Variants in TPRA1 observed in about 807,000 individuals in gnomAD.
TPRA1 encodes transmembrane protein adipocyte-associated 1.
In TPRA1, 28 loss-of-function variants were observed where a neutral mutation model predicts 40.1. That is an observed-to-expected ratio of 0.70 (90% confidence interval 0.52 to 0.96). The LOEUF (loss-of-function observed/expected upper bound fraction) is 0.96, where lower values mean the gene tolerates loss of function less well. Among genes scored for constraint, TPRA1 ranks in the 40% least tolerant of loss-of-function variants. The pLI is 0.00. For missense variants in TPRA1, 441 were observed against 482.6 expected, an observed-to-expected ratio of 0.91 and a Z score of 0.81; for synonymous variants, 219 against 209.7, an observed-to-expected ratio of 1.04 and a Z score of -0.38.
chr3:127,572,946 G>T lies in TPRA1; in HGVS notation c.*575C>A, dbSNP rs576736033. The T allele has an allele frequency of 6.6e-6, 1 of 152,206 alleles. No homozygotes were observed. Among genetic ancestry groups the T allele is most frequent in the Admixed American group, 6.5e-5 (1 of 15,280 alleles). The allele number at this position is 152,206 out of a possible 1,614,324, so 9.4% of individuals were successfully genotyped here. A position where few individuals can be genotyped will look rare whatever the true frequency, so the allele number is the denominator to read the frequency against. ...CTCCCCAGCAGCCAGCCCAGGGCTT[G>T]GGCACTGGGGACTGCTCCTTGGTTG... On this transcript the variant is annotated 3_prime_UTR_variant, in exon 11 of 11. Transcript: ENST00000355552.
In TPRA1 at chr3:127,583,769, C is replaced by T. The variant is rs191157977; in HGVS notation, c.-17-3606G>A. ...CATTTCAACCTCTGCCTCCCAGGTTCAAGCGATTCCCCTGCCTCAGCCTCC... is the reference window on the plus strand; with the variant it reads ...CATTTCAACCTCTGCCTCCCAGGTTTAAGCGATTCCCCTGCCTCAGCCTCC... On this transcript the variant is annotated intron_variant, in intron 1 of 10. Coordinates refer to ENST00000355552, the MANE Select transcript of TPRA1 (RefSeq NM_001136053.4). Among the ~76,000 whole-genome samples the T allele has an allele frequency of 1.7e-3, 261 of 151,986 alleles. 1 individual carries two copies. Among genetic ancestry groups the T allele is most frequent in the African/African-American group, 6.0e-3 (249 of 41,464 alleles).
At chr3:127,579,000 G>A (rs2073739239) in intron 3 of TPRA1, among the ~76,000 whole-genome samples, 1 of 149,218 alleles carries the variant, frequency 6.7e-6, no homozygotes, top group Non-Finnish European at 1.5e-5. Flanking sequence ...GCCCACACCC[G>A]AAGCCCACAC....
upstream of TPRA1, among the ~76,000 whole-genome samples, chr3:127,593,325 G>A (rs1365410930): frequency 6.6e-6 from 1 of 152,176 alleles, no homozygotes; most frequent in Admixed American, 6.5e-5. Flanking sequence ...ACAGAACTGG[G>A]CTCCCTGATA....
chr3:127,590,493 G>GCAC lies in TPRA1; in HGVS notation c.-104_-102dup, dbSNP rs2074139804. ...CCGCCACTGGGTGTGCGCGGATCCA[G>GCAC]CACAGGCCGCGGGACTCCGGCCTCC... On this transcript the variant is annotated 5_prime_UTR_variant, in exon 1 of 11. Transcript: ENST00000355552. 6.6e-6 allele frequency: 1 copy of GCAC among 152,394 alleles called. No homozygotes were observed. Among genetic ancestry groups the GCAC allele is most frequent in the East Asian group, 1.9e-4 (1 of 5,172 alleles). 9.4% of individuals were successfully genotyped at this position (152,394 alleles called of 1,614,324 possible).
At chr3:127,596,897 C>T (rs2074248588) in intron 1 of TPRA1, among the ~76,000 whole-genome samples, 1 of 152,156 alleles carries the variant, frequency 6.6e-6, no homozygotes, top group Non-Finnish European at 1.5e-5. Flanking sequence ...CAGGCGGATC[C>T]ACTTGTCAGG....
At chr3:127,581,508 G>A (rs2107643388) in intron 1 of TPRA1, among the ~76,000 whole-genome samples, 1 of 152,248 alleles carries the variant, frequency 6.6e-6, no homozygotes, top group South Asian at 2.1e-4. Context: ...CCAGCGTCTG[G>A]GTGTCAGATC....
intron 1 of TPRA1, among the ~76,000 whole-genome samples, chr3:127,581,713 G>A (rs1406270013): frequency 1.3e-5 from 2 of 150,880 alleles, no homozygotes; most frequent in African/African-American, 4.9e-5. Flanking sequence ...AGGAGTTCGG[G>A]ACCAGCCTAG....
At chr3:127,587,525 G>A (rs371301471) in intron 1 of TPRA1, among the ~76,000 whole-genome samples, 11 of 152,224 alleles carry the variant, frequency 7.2e-5, no homozygotes, top group African/African-American at 2.4e-4. Flanking sequence ...GTTCTGCCAC[G>A]TGCTTGCTGT....
intron 1 of TPRA1, chr3:127,587,116 C>T (rs1193626659): frequency 6.6e-6 from 1 of 152,120 alleles, no homozygotes; most frequent in Non-Finnish European, 1.5e-5. Flanking sequence ...GAAAATCTGC[C>T]CTGAGGCTTT....
At chr3:127,589,916 G>A (rs994620444) in intron 1 of TPRA1, among the ~76,000 whole-genome samples, 5 of 152,222 alleles carry the variant, frequency 3.3e-5, no homozygotes, top group Non-Finnish European at 5.9e-5. Flanking sequence ...GCAGAGAAGA[G>A]GGCAAAGCCA....
chr3:127,575,346 C>A (rs753335268), intron 9 of TPRA1, 57 bp downstream of exon 9: 8 of 1,574,312 alleles, frequency 5.1e-6, no homozygotes, highest in Non-Finnish European at 6.9e-6. Flanking sequence ...CGGGTGGACA[C>A]CCTGCCGCCC....
At position 127,573,782 on chromosome 3, in the gene TPRA1, C is replaced by T. The variant is rs528588846; in HGVS notation, c.861G>A (p.Glu287=). Residue 287 remains glutamate (E), a synonymous_variant, in exon 11 of 11, where the codon GAG becomes GAA. Transcript: ENST00000355552. The stretch of plus-strand genomic sequence containing the variant: ...ATTTGTAGGAGAAGAGGATCTTGGG[C>T]TCCGAGCTGATAAAAGGAAAAGAGG... The part of the protein sequence containing the change: ...VAFLRGFFGS[E]PKILFSYKCQ... 6.4e-7 allele frequency: 1 copy of T among 1,563,808 alleles called. No homozygotes were observed. Among genetic ancestry groups the T allele is most frequent in the Admixed American group, 1.8e-5 (1 of 54,446 alleles).
At chr3:127,575,145 G>A in intron 10 of TPRA1, 40 bp downstream of exon 10, 1 of 1,602,038 alleles carries the variant, frequency 6.2e-7, no homozygotes, top group Non-Finnish European at 8.5e-7. Flanking sequence ...GCGCAGTTCC[G>A]CCGGCAGCCA....
intron 1 of TPRA1, among the ~76,000 whole-genome samples, chr3:127,583,222 A>G (rs2073887426): frequency 6.6e-6 from 1 of 151,670 alleles, no homozygotes; most frequent in African/African-American, 2.4e-5. Context: ...CTGAGGCAGG[A>G]GAATCACTTG....
chr3:127,596,712 T>C (rs1210531771), intron 1 of TPRA1, among the ~76,000 whole-genome samples: 1 of 152,178 alleles, frequency 6.6e-6, no homozygotes. Context: ...CCCCTTAAAT[T>C]GCTGGTCTTC....
rs763226964 is a variant in TPRA1 at position 127,575,221 on chromosome 3, G to A, written c.818C>T (p.Pro273Leu). 6 of 1,614,050 alleles carry A rather than the reference G, an allele frequency of 3.7e-6. No homozygotes were observed. Among genetic ancestry groups the A allele is most frequent in the East Asian group, 2.2e-5 (1 of 44,878 alleles). Residue 273 changes from proline (P) to leucine (L), a missense_variant, in exon 10 of 11, where the codon CCG (proline) becomes CTG (leucine). Physicochemically the swap from Pro to Leu is moderately conservative, Grantham distance 98 (BLOSUM62 -3). Transcript: ENST00000355552. ...CCGGAGGAAAGCCACGTAGATGAGC[G>A]GAGCGAAGAAGCTGAAGTACAGGAA... ...TTFLYFSFFA[P>L]LIYVAFLRGF...
Position 127,575,448 on chromosome 3 carries a change from C to A in TPRA1, c.728G>T (p.Gly243Val). ...GILALLNLLQ[G>V]LGSVLLCFDI... is the part of the protein sequence containing the mutation. ...GAAGCACAGCAGCACACTCCCCAGC[C>A]CCTGCAGTAGGTTGAGCAGTGCCAG... The change falls in exon 9 of 11, where the codon GGG becomes GTG. Residue 243 changes from glycine to valine, a missense_variant. Physicochemically the swap from Gly to Val is moderately radical, Grantham distance 109. Transcript: ENST00000355552. 6.2e-7 allele frequency: 1 copy of A among 1,603,654 alleles called. No individual in the cohort carries two copies.
chr3:127,583,339 A>C (rs2073892232), intron 1 of TPRA1, among the ~76,000 whole-genome samples: 1 of 151,864 alleles, frequency 6.6e-6, no homozygotes, highest in East Asian at 1.9e-4. Flanking sequence ...GAAACAAACA[A>C]ACACAAAACT....
At chr3:127,575,045 C>A in intron 10 of TPRA1, 140 bp downstream of exon 10, 1 of 877,328 alleles carries the variant, frequency 1.1e-6, no homozygotes, top group Non-Finnish European at 1.8e-6. Context: ...TATGTGTGTG[C>A]CCAAGTGCAT....
Sources: gnomAD v4.1 joint callset for allele counts (sites outside exome capture counted in the v4.1 genomes callset) on GRCh38, gnomAD v4.1.1 for gene constraint, MANE v1.5 for transcripts, NCBI Gene and HGNC (gene_info 2026-07-23, HGNC 2026-07-21) for gene names.